The following ANK2 variants were observed in gnomAD, a reference collection of about 807,000 sequenced individuals.
ANK2 encodes the protein ankyrin 2.
A neutral mutation model predicts 360.5 loss-of-function variants in ANK2; 83 were observed. That is an observed-to-expected ratio of 0.23 (90% CI 0.19 to 0.28). ANK2 has a LOEUF of 0.28. Ranked by LOEUF, ANK2 falls within the 10% of genes least tolerant of loss-of-function variation. The probability of loss-of-function intolerance (pLI) is 1.00; values close to 1 mark genes in which losing one functional copy is unlikely to be tolerated. For missense variants in ANK2, 4,201 were observed against 4,795.7 expected (o/e 0.88, Z 3.66); for synonymous variants, 1,740 against 1,759.5 (o/e 0.99, Z 0.28).
chr4:112,812,464 C>G, the ANK2 span, among the ~76,000 whole-genome samples: 14 of 152,000 alleles, frequency 9.2e-5, no homozygotes, highest in Non-Finnish European at 1.9e-4. Context: ...GTTAAAAGAC[C>G]ATAAGGAAAA....
chr4:113,295,908 A>G (rs2071129850), intron 22 of ANK2, among the ~76,000 whole-genome samples: 1 of 152,172 alleles, frequency 6.6e-6, no homozygotes, highest in South Asian at 2.1e-4. Context: ...TTGGAAGAAT[A>G]GACTTATTCT....
chr4:112,708,546 G>A, the ANK2 span, among the ~76,000 whole-genome samples: 2 of 152,146 alleles, frequency 1.3e-5, no homozygotes, highest in Non-Finnish European at 2.9e-5. Context: ...ACTATGCTGT[G>A]TGGGGATTCA....
chr4:113,233,094 C>G (rs1156671032), intron 5 of ANK2, among the ~76,000 whole-genome samples: 1 of 102,696 alleles, frequency 9.7e-6, no homozygotes, highest in Non-Finnish European at 1.9e-5. Context: ...AGTATATGGG[C>G]TTGGCTTTTC....
chr4:112,806,520 G>A, the ANK2 span, among the ~76,000 whole-genome samples: 1 of 152,116 alleles, frequency 6.6e-6, no homozygotes, highest in African/African-American at 2.4e-5. Flanking sequence ...ACATGGGAGT[G>A]CAGATATCTC....
intron 14 of ANK2, among the ~76,000 whole-genome samples, chr4:113,267,299 G>C (rs1392617177): frequency 6.6e-6 from 1 of 152,102 alleles, no homozygotes; most frequent in Non-Finnish European, 1.5e-5. Flanking sequence ...CATGGCTTTT[G>C]GTGTTTTAGT....
intron 2 of ANK2, among the ~76,000 whole-genome samples, chr4:113,192,924 T>TAAAAAAAAA (rs373250773): frequency 7.3e-6 from 1 of 136,778 alleles, no homozygotes; most frequent in African/African-American, 2.7e-5. Flanking sequence ...TTGCATTATT[T>TAAAAAAAAA]AAAAAAAAAA....
chr4:112,929,728 G>T (rs752246681), intron 2 of ANK2, among the ~76,000 whole-genome samples: 1 of 152,118 alleles, frequency 6.6e-6, no homozygotes, highest in African/African-American at 2.4e-5. Context: ...AGAGTCAGGC[G>T]CCTCCATGGT....
chr4:113,287,549 T>A, intron 18 of ANK2, 56 bp from the exon 19 acceptor site: 1 of 1,239,016 alleles, frequency 8.1e-7, no homozygotes, highest in Non-Finnish European at 1.2e-6. Context: ...ATATTATAGA[T>A]GATGCAATGT....
At chr4:113,139,711 T>C (rs1008554455) in intron 1 of ANK2, among the ~76,000 whole-genome samples, 1 of 152,220 alleles carries the variant, frequency 6.6e-6, no homozygotes, top group African/African-American at 2.4e-5. Flanking sequence ...GCGACATTTA[T>C]TGAGTGCCCA....
At chr4:112,849,893 A>G (rs1248305568) in intron 1 of ANK2, among the ~76,000 whole-genome samples, 1 of 152,222 alleles carries the variant, frequency 6.6e-6, no homozygotes, top group Admixed American at 6.5e-5. Context: ...GACTGAGTAA[A>G]GAAGATCTGC....
the ANK2 span, among the ~76,000 whole-genome samples, chr4:112,735,551 T>G: frequency 6.6e-6 from 1 of 152,154 alleles, no homozygotes; most frequent in African/African-American, 2.4e-5. Flanking sequence ...GCCACCCATC[T>G]TCCCACAAGG....
rs138287252 is a variant in ANK2, at chr4:113,309,991, G to A, written c.2549-1264G>A. Among the ~76,000 whole-genome samples, 17 of 152,316 alleles carry A rather than the reference G, an allele frequency of 1.1e-4. No individual in the cohort carries two copies. In the East Asian group the frequency reaches 3.1e-3, roughly 28 times the overall value. Reference sequence around the variant, plus strand: ...TGCATGTTCTACCTGATCAAATGCTGTGTCTTGCTCCTTCAGATGTAGAGT... The same window carrying A: ...TGCATGTTCTACCTGATCAAATGCTATGTCTTGCTCCTTCAGATGTAGAGT... On this transcript the variant is annotated intron_variant, in intron 23 of 45. Coordinates refer to ENST00000357077, the MANE Select transcript of ANK2 (RefSeq NM_001148.6).
At chr4:112,878,093 A>G (rs1376798785) in intron 1 of ANK2, among the ~76,000 whole-genome samples, 2 of 151,762 alleles carry the variant, frequency 1.3e-5, no homozygotes, top group Non-Finnish European at 2.9e-5. Flanking sequence ...TGAGTTTGAA[A>G]CCTATATGTA....
intron 45 of ANK2, among the ~76,000 whole-genome samples, chr4:113,377,783 C>T (rs373468279): frequency 7.2e-5 from 11 of 152,224 alleles, no homozygotes; most frequent in African/African-American, 2.6e-4. Flanking sequence ...CTGGTTCTTA[C>T]ATTTATCATT....
At chr4:113,127,933 AAG>A (rs940838947) in intron 1 of ANK2, among the ~76,000 whole-genome samples, 5 of 152,182 alleles carry the variant, frequency 3.3e-5, no homozygotes, top group African/African-American at 1.2e-4. Context: ...ATAAAGAAAA[AAG>A]AGAAGAGTGA....
At chr4:113,086,427 A>G (rs2084803552) in intron 1 of ANK2, among the ~76,000 whole-genome samples, 1 of 152,232 alleles carries the variant, frequency 6.6e-6, no homozygotes, top group Admixed American at 6.5e-5. Flanking sequence ...TTGCAACACA[A>G]CAAAAACATA....
chr4:112,731,232 A>G, the ANK2 span, among the ~76,000 whole-genome samples: 1 of 149,530 alleles, frequency 6.7e-6, no homozygotes, highest in Non-Finnish European at 1.5e-5. Flanking sequence ...TTGAGGTTGC[A>G]GTGAGCCATA....
chr4:112,760,829 TGGA>T, the ANK2 span, among the ~76,000 whole-genome samples: 1 of 145,654 alleles, frequency 6.9e-6, no homozygotes, highest in Non-Finnish European at 1.5e-5. Context: ...TTTTTTGAGA[TGGA>T]GTCTTGCTCT....
At chr4:113,351,015 T>C (rs1019633694) in intron 37 of ANK2, among the ~76,000 whole-genome samples, 2 of 152,142 alleles carry the variant, frequency 1.3e-5, no homozygotes, top group African/African-American at 4.8e-5. Flanking sequence ...AGAGCTATCT[T>C]AGAACTCATT....
Sources: gnomAD v4.1 joint callset for allele counts (sites outside exome capture counted in the v4.1 genomes callset) on GRCh38, gnomAD v4.1.1 for gene constraint, MANE v1.5 for transcripts, NCBI Gene and HGNC (gene_info 2026-07-23, HGNC 2026-07-21) for gene names.